Variants in DDX60 observed in about 807,000 individuals in gnomAD.
DDX60 encodes the protein probable ATP-dependent RNA helicase DDX60.
A neutral mutation model predicts 212.8 loss-of-function variants in DDX60; 165 were observed. That is an observed-to-expected ratio of 0.78 (90% confidence interval 0.68 to 0.88). The LOEUF (loss-of-function observed/expected upper bound fraction) is 0.88, where lower values mean the gene tolerates loss of function less well. Ranked by LOEUF, DDX60 falls within the 40% of genes least tolerant of loss-of-function variation. The pLI is 0.00. For synonymous variants in DDX60, 703 were observed against 685.3 expected (o/e 1.03, Z -0.40); for missense variants, 1,905 against 2,003.9 (o/e 0.95, Z 0.94).
At chr4:168,315,921 T>A (rs1475695771) in intron 1 of DDX60, among the ~76,000 whole-genome samples, 1 of 152,248 alleles carries the variant, frequency 6.6e-6, no homozygotes, top group Non-Finnish European at 1.5e-5. Flanking sequence ...GAATGATTTA[T>A]AATCCTTTGG....
At position 168,287,629 on chromosome 4, in the gene DDX60, C is replaced by T. The variant is rs907314367; in HGVS notation, c.1184-426G>A. Among the ~76,000 whole-genome samples the T allele has an allele frequency of 5.6e-4, 85 of 152,088 alleles. 1 individual carries two copies. The highest frequency in any genetic ancestry group is 1.9e-3 in the African/African-American group (79 of 41,428). ...CAATGATTACAACATGAAGGAACCACATCACTGTGGTCAAAGCTTCAATAA... is the reference window on the plus strand; with the variant it reads ...CAATGATTACAACATGAAGGAACCATATCACTGTGGTCAAAGCTTCAATAA... On this transcript the variant is annotated intron_variant, in intron 9 of 37. Coordinates refer to ENST00000393743, the MANE Select transcript of DDX60 (RefSeq NM_017631.6).
chr4:168,241,301 G>A (rs1238516743), intron 30 of DDX60, among the ~76,000 whole-genome samples: 2 of 152,178 alleles, frequency 1.3e-5, no homozygotes, highest in East Asian at 3.8e-4. Flanking sequence ...GGGTGCTGCT[G>A]AAAAGATACC....
At chr4:168,224,678 G>A (rs1451235967) in intron 34 of DDX60, among the ~76,000 whole-genome samples, 1 of 152,002 alleles carries the variant, frequency 6.6e-6, no homozygotes, top group Non-Finnish European at 1.5e-5. Flanking sequence ...ACTCTTATCA[G>A]AGAATTATTG....
Position 168,314,214 on chromosome 4 carries a change from G to A in DDX60, c.-106-2849C>T, listed in dbSNP as rs111965131. ...TTAACCTCTGCCCCAACACATGCAC[G>A]CCCTAACACCTAAACAGAATTCACA... is the stretch of plus-strand genomic sequence containing the variant. On this transcript the variant is annotated intron_variant, in intron 1 of 37. Transcript: ENST00000393743. Among the ~76,000 whole-genome samples the A allele has an allele frequency of 3.4e-3, 516 of 151,974 alleles. 2 individuals carry two copies. Among genetic ancestry groups the A allele is most frequent in the African/African-American group, 9.3e-3 (385 of 41,432 alleles).
chr4:168,250,972 A>G lies in DDX60; in HGVS notation c.3840T>C (p.Phe1280=). The G allele has an allele frequency of 6.2e-7, 1 of 1,600,018 alleles. No individual in the cohort carries two copies. Residue 1280 remains phenylalanine (F), a synonymous_variant, in exon 28 of 38, where the codon TTT becomes TTC. Transcript: ENST00000393743. ...FKEKQLVEIL[F]RKGYLRVVTA... ...CACCTACCCTAAGATATCCTTTTCT[A>G]AAGAGGATTTCAACTAATTGTTTTT...
chr4:168,259,469 A>C (rs780695482), intron 25 of DDX60, among the ~76,000 whole-genome samples: 5 of 152,162 alleles, frequency 3.3e-5, no homozygotes, highest in African/African-American at 4.8e-5. Flanking sequence ...ATTTGCAAAC[A>C]CAATCTTACA....
the DDX60 span, among the ~76,000 whole-genome samples, chr4:168,324,013 G>C: frequency 6.6e-6 from 1 of 152,194 alleles, no homozygotes; most frequent in African/African-American, 2.4e-5. Flanking sequence ...GTTGATCCCA[G>C]AGGCTCCCCA....
chr4:168,275,570 CATTT>C (rs1480481480), intron 15 of DDX60, 67 bp from the exon 16 acceptor site: 2 of 1,330,082 alleles, frequency 1.5e-6, no homozygotes, highest in African/African-American at 1.5e-5. Flanking sequence ...ATAAGTAAAA[CATTT>C]ATTACTGAGC....
chr4:168,294,578 G>T (rs1052509725), intron 6 of DDX60, among the ~76,000 whole-genome samples: 6 of 151,952 alleles, frequency 3.9e-5, no homozygotes, highest in African/African-American at 1.5e-4. Flanking sequence ...TCAGCTCATT[G>T]CAATCTCTGC....
chr4:168,238,451 AGGG>A (rs1733718432), intron 30 of DDX60, among the ~76,000 whole-genome samples: 7 of 106,324 alleles, frequency 6.6e-5, no homozygotes, highest in African/African-American at 1.3e-4. Context: ...AGGGAAGGGA[AGGG>A]AAGGGAAGGG....
intron 25 of DDX60, among the ~76,000 whole-genome samples, chr4:168,256,292 A>G (rs1264741033): frequency 6.6e-6 from 1 of 152,178 alleles, no homozygotes; most frequent in Non-Finnish European, 1.5e-5. Flanking sequence ...AAAATGAGAA[A>G]AAAAAGATTA....
intron 33 of DDX60, among the ~76,000 whole-genome samples, chr4:168,232,421 A>C (rs184473690): frequency 6.6e-6 from 1 of 152,162 alleles, no homozygotes; most frequent in African/African-American, 2.4e-5. Flanking sequence ...CTAAGCAAAA[A>C]GAACAAATCT....
intron 8 of DDX60, among the ~76,000 whole-genome samples, chr4:168,291,033 A>G (rs1260430862): frequency 6.6e-6 from 1 of 152,192 alleles, no homozygotes; most frequent in Non-Finnish European, 1.5e-5. Context: ...ATTAAAGGAA[A>G]AGGCTTATAC....
intron 16 of DDX60, among the ~76,000 whole-genome samples, chr4:168,274,944 T>A (rs1471608358): frequency 1.3e-5 from 2 of 152,336 alleles, no homozygotes; most frequent in Admixed American, 6.5e-5. Flanking sequence ...ATAGCTACTA[T>A]GGTGACAGAT....
Position 168,306,386 on chromosome 4 carries a change from G to A in DDX60, c.599C>T (p.Ser200Phe). ...LPSMYRHQIFSWKNKQNIKDA... is the reference protein window; with the variant it reads ...LPSMYRHQIFFWKNKQNIKDA... Reference sequence around the variant, plus strand: ...CTTTTGGATGTGAATTACCTTCCAGGAAAAAATCTGGTGTCTGTACATGCT... The same window carrying A: ...CTTTTGGATGTGAATTACCTTCCAGAAAAAAATCTGGTGTCTGTACATGCT... Residue 200 changes from serine to phenylalanine, a missense_variant, in exon 5 of 38, where the codon TCC (serine) becomes TTC (phenylalanine). Ser to Phe is a radical substitution (Grantham distance 155). Transcript: ENST00000393743. The A allele has an allele frequency of 6.3e-7, 1 of 1,587,650 alleles. No individual in the cohort carries two copies. The highest frequency in any genetic ancestry group is 8.6e-7 in the Non-Finnish European group (1 of 1,165,462).
At chr4:168,259,060 C>T (rs1281159279) in intron 25 of DDX60, among the ~76,000 whole-genome samples, 9 of 152,084 alleles carry the variant, frequency 5.9e-5, no homozygotes, top group Admixed American at 1.3e-4. Context: ...TGTAAGTGTC[C>T]AACTCTAACT....
chr4:168,260,360 C>T (rs770251636), intron 25 of DDX60, among the ~76,000 whole-genome samples: 51 of 152,150 alleles, frequency 3.4e-4, no homozygotes, highest in Non-Finnish European at 6.9e-4. Flanking sequence ...TGAGAACATG[C>T]GGTTTTTAAA....
intron 10 of DDX60, among the ~76,000 whole-genome samples, chr4:168,286,187 G>A (rs1735841013): frequency 1.3e-5 from 2 of 151,876 alleles, no homozygotes; most frequent in African/African-American, 2.4e-5. Flanking sequence ...ATTTTCAAAT[G>A]TGAATTCCTT....
chr4:168,312,641 T>C (rs1737183966), intron 1 of DDX60, among the ~76,000 whole-genome samples: 1 of 151,996 alleles, frequency 6.6e-6, no homozygotes, highest in Non-Finnish European at 1.5e-5. Flanking sequence ...GTTAGGGCTA[T>C]GAAACAGATA....
Sources: allele counts gnomAD v4.1 joint callset (sites outside exome capture counted in the v4.1 genomes callset), GRCh38; gene constraint gnomAD v4.1.1; transcripts MANE v1.5; gene names NCBI Gene and HGNC (gene_info 2026-07-23, HGNC 2026-07-21).